Variants in GAS7 observed in about 807,000 individuals in gnomAD.
GAS7 encodes growth arrest specific 7, also known as growth arrest-specific protein 7.
In GAS7, 28 loss-of-function variants were observed where a neutral mutation model predicts 71.1. The observed-to-expected ratio is 0.39, with a 90% confidence interval of 0.29 to 0.54. The LOEUF (loss-of-function observed/expected upper bound fraction) is 0.54. GAS7 is among the 20% of genes least tolerant of loss of function. GAS7 has a pLI of 0.62. For missense variants in GAS7, 436 were observed against 627.8 expected (o/e 0.69, Z 3.27); for synonymous variants, 258 against 245.8 (o/e 1.05, Z -0.46).
At chr17:9,940,319 C>T (rs2068557207) in intron 7 of GAS7, 119 bp from the exon 8 acceptor site, 1 of 757,096 alleles carries the variant, frequency 1.3e-6, no homozygotes, top group Non-Finnish European at 2.4e-6. Context: ...GCTCTGAGAC[C>T]ACATGGCTCT....
intron 1 of GAS7, among the ~76,000 whole-genome samples, chr17:10,126,388 G>C (rs934927867): frequency 9.9e-6 from 1 of 100,650 alleles, no homozygotes; most frequent in Non-Finnish European, 2.3e-5. Flanking sequence ...ACACACTCAC[G>C]CACATGCACA....
chr17:10,094,109 C>T lies in GAS7; in HGVS notation c.184-74212G>A, dbSNP rs1256732517. Among the ~76,000 whole-genome samples the T allele has an allele frequency of 2.0e-5, 3 of 152,348 alleles. No homozygotes were observed. The South Asian group carries it at 6.2e-4, about 32-fold the overall frequency. On this transcript the variant is annotated intron_variant, in intron 1 of 13. Transcript: ENST00000432992. ...GCAGCTGCCATGAACCTAAGGAATA[C>T]GACCAATGGTCCATGGGTTACAGAC...
chr17:10,155,117 C>A (rs371731322), intron 1 of GAS7, among the ~76,000 whole-genome samples: 5 of 151,914 alleles, frequency 3.3e-5, no homozygotes, highest in Admixed American at 6.6e-5. Context: ...CGGGTTCAAG[C>A]GATTCTCCTG....
chr17:10,065,025 T>A, intron 1 of GAS7, among the ~76,000 whole-genome samples: 1 of 152,190 alleles, frequency 6.6e-6, no homozygotes, highest in East Asian at 1.9e-4. Flanking sequence ...TCTCACTACG[T>A]TGCTGAGGCT....
chr17:10,190,173 A>G (rs111779649), intron 1 of GAS7, among the ~76,000 whole-genome samples: 1 of 152,206 alleles, frequency 6.6e-6, no homozygotes, highest in East Asian at 1.9e-4. Context: ...CTGGCGCACT[A>G]CAGATCACAC....
chr17:10,095,021 C>T (rs73273858), intron 1 of GAS7, among the ~76,000 whole-genome samples: 3,077 of 152,188 alleles, frequency 0.02, 97 homozygotes, highest in African/African-American at 0.07. Flanking sequence ...TCTTTCCACG[C>T]GGCCTTTAAC....
chr17:10,050,337 G>C (rs1204117907), intron 1 of GAS7, among the ~76,000 whole-genome samples: 1 of 152,084 alleles, frequency 6.6e-6, no homozygotes, highest in Non-Finnish European at 1.5e-5. Flanking sequence ...CTCAACCAAT[G>C]CAACGCTAAC....
intron 2 of GAS7, among the ~76,000 whole-genome samples, chr17:10,006,109 T>C (rs116041624): frequency 1.4e-3 from 206 of 152,074 alleles, no homozygotes; most frequent in African/African-American, 4.8e-3. Flanking sequence ...CTAACCAAAG[T>C]AGAGGCAAAT....
In GAS7 at chr17:9,918,105, G is replaced by A. The variant is rs770124969; in HGVS notation, c.1219-6C>T. 8.1e-6 allele frequency: 13 copies of A among 1,609,358 alleles called. No individual in the cohort carries two copies. Among genetic ancestry groups the A allele is most frequent in the African/African-American group, 4.0e-5 (3 of 74,820 alleles). On this transcript the variant is annotated splice_polypyrimidine_tract_variant and splice_region_variant and intron_variant, in intron 12 of 13. Coordinates refer to ENST00000432992, the MANE Select transcript of GAS7 (RefSeq NM_201433.2). ...ACCTCCAGCCGCTCTAGCTCCTGCC[G>A]AGAAAGCAAAGGCCAGAGAACTCTG...
At position 9,934,249 on chromosome 17, in the gene GAS7, A is replaced by G. The variant is rs1779739002; in HGVS notation, c.807-5T>C. On this transcript the variant is annotated splice_polypyrimidine_tract_variant and splice_region_variant and intron_variant, in intron 8 of 13. Coordinates refer to ENST00000432992, the MANE Select transcript of GAS7 (RefSeq NM_201433.2). ...GCCCACGCCTCTCCCAAGGAGCTGC[A>G]ACACAAAGACCATGAGACTCAGGTC... 6.2e-7 allele frequency: 1 copy of G among 1,600,466 alleles called. No individual in the cohort carries two copies. Among genetic ancestry groups the G allele is most frequent in the Non-Finnish European group, 8.6e-7 (1 of 1,168,666 alleles).
chr17:9,965,866 G>A lies in GAS7; in HGVS notation c.471+3811C>T, dbSNP rs144856652. Among the ~76,000 whole-genome samples the A allele has an allele frequency of 2.6e-4, 39 of 152,176 alleles. 2 individuals carry two copies. The East Asian group carries it at 6.6e-3, about 26-fold the overall frequency. On this transcript the variant is annotated intron_variant, in intron 4 of 13. Transcript: ENST00000432992. The stretch of plus-strand genomic sequence containing the variant: ...GTCTCCAAGGGCTGAGTGAAGGAGC[G>A]GGGCAGGCACCCTCAGGAACTGTGG...
At chr17:9,923,391 T>TA (rs2067890217) in intron 11 of GAS7, among the ~76,000 whole-genome samples, 1 of 142,400 alleles carries the variant, frequency 7.0e-6, no homozygotes, top group Admixed American at 6.9e-5. Flanking sequence ...AAAAAAAAAT[T>TA]ACAAAGAACA....
chr17:9,922,373 A>G (rs2152070658), intron 11 of GAS7, among the ~76,000 whole-genome samples: 1 of 152,376 alleles, frequency 6.6e-6, no homozygotes, highest in African/African-American at 2.4e-5. Flanking sequence ...CTCTGGAATG[A>G]GAGGAGACTG....
At chr17:10,042,694 G>A (rs1305053822) in intron 1 of GAS7, among the ~76,000 whole-genome samples, 1 of 152,194 alleles carries the variant, frequency 6.6e-6, no homozygotes, top group Non-Finnish European at 1.5e-5. Flanking sequence ...GGAGGGCGAG[G>A]TCACTCTTGG....
At chr17:10,005,200 TGTGTGTGC>T (rs1242367572) in intron 2 of GAS7, among the ~76,000 whole-genome samples, 2 of 147,620 alleles carry the variant, frequency 1.4e-5, no homozygotes, top group Admixed American at 6.7e-5. Flanking sequence ...CACGCATGCA[TGTGTGTGC>T]ATGTGCGCGT....
chr17:10,089,782 T>C (rs2073561288), intron 1 of GAS7, among the ~76,000 whole-genome samples: 1 of 152,116 alleles, frequency 6.6e-6, no homozygotes. Flanking sequence ...AACCTGGTAG[T>C]TTCAAAGTTA....
chr17:10,000,622 C>A (rs1435083450), intron 2 of GAS7, among the ~76,000 whole-genome samples: 1 of 152,188 alleles, frequency 6.6e-6, no homozygotes, highest in Non-Finnish European at 1.5e-5. Context: ...ATGAAAGTTC[C>A]TTGAGATTTT....
chr17:9,959,258 G>A lies in GAS7; in HGVS notation c.472-3C>T. 2 of 1,614,034 alleles carry A rather than the reference G, an allele frequency of 1.2e-6. No individual in the cohort carries two copies. The highest frequency in any genetic ancestry group is 1.7e-6 in the Non-Finnish European group (2 of 1,179,886). On this transcript the variant is annotated splice_polypyrimidine_tract_variant and splice_region_variant and intron_variant, in intron 4 of 13. Coordinates refer to ENST00000432992, the MANE Select transcript of GAS7 (RefSeq NM_201433.2). This position sits in a 1 kb window ranked among gnomAD's most constrained non-coding sequence, Gnocchi z 5.0. ...CTTGGCGATGAGGATCCCAGGTTCT[G>A]GGGAGAGAGGCAAGAAACATCGTCA... is the stretch of plus-strand genomic sequence containing the variant.
chr17:10,098,880 C>G (rs568153398), intron 1 of GAS7, among the ~76,000 whole-genome samples: 51 of 152,242 alleles, frequency 3.3e-4, no homozygotes, highest in Non-Finnish European at 6.0e-4. Context: ...GGCGTGAACC[C>G]GGTAGGCGGA....
Sources: gnomAD v4.1 joint callset for allele counts (sites outside exome capture counted in the v4.1 genomes callset) on GRCh38, gnomAD v4.1.1 for gene constraint, Gnocchi (gnomAD v3.1) non-coding constraint, MANE v1.5 for transcripts, NCBI Gene and HGNC (gene_info 2026-07-23, HGNC 2026-07-21) for gene names.